Variants in CSMD2 observed in about 807,000 individuals in gnomAD.
The protein encoded by CSMD2 is CUB and Sushi multiple domains 2.
A neutral mutation model predicts 398.5 loss-of-function variants in CSMD2; 130 were observed. The observed-to-expected ratio is 0.33, with a 90% CI of 0.28 to 0.38. The LOEUF (loss-of-function observed/expected upper bound fraction) is 0.38, where lower values mean the gene tolerates loss of function less well. Among genes scored for constraint, CSMD2 ranks in the 10% least tolerant of loss-of-function variants. The pLI is 1.00. For synonymous variants in CSMD2, 1,828 were observed against 1,908.5 expected (o/e 0.96, Z 1.10); for missense variants, 3,829 against 4,764.9 (o/e 0.80, Z 5.78).
chr1:33,521,322 G>C, intron 68 of CSMD2, 141 bp downstream of exon 68: 1 of 659,144 alleles, frequency 1.5e-6, no homozygotes, highest in Non-Finnish European at 2.8e-6. Context: ...AGAATCTCAA[G>C]AGGCATCCCT....
intron 3 of CSMD2, among the ~76,000 whole-genome samples, chr1:33,944,089 C>T (rs1644764570): frequency 1.3e-5 from 2 of 152,076 alleles, no homozygotes; most frequent in Admixed American, 6.6e-5. Flanking sequence ...AGTGTGAAAG[C>T]AGCCACAGGC....
chr1:33,712,045 A>G (rs970663482), intron 21 of CSMD2, among the ~76,000 whole-genome samples: 3 of 152,246 alleles, frequency 2.0e-5, no homozygotes, highest in Non-Finnish European at 4.4e-5. Flanking sequence ...AATGTTCCAG[A>G]GAAACAAACA....
chr1:33,662,101 A>G (rs1644156228), intron 26 of CSMD2, among the ~76,000 whole-genome samples: 1 of 152,220 alleles, frequency 6.6e-6, no homozygotes, highest in African/African-American at 2.4e-5. Flanking sequence ...GGCAGGACCA[A>G]TCATATAAAT....
intron 1 of CSMD2, among the ~76,000 whole-genome samples, chr1:34,140,414 T>A (rs1286052856): frequency 6.6e-6 from 1 of 151,916 alleles, no homozygotes; most frequent in African/African-American, 2.4e-5. Flanking sequence ...CACCGCCACT[T>A]GCAAGCAAGG....
intron 10 of CSMD2, among the ~76,000 whole-genome samples, chr1:33,794,578 A>G (rs1654716720): frequency 6.6e-6 from 1 of 152,178 alleles, no homozygotes; most frequent in Non-Finnish European, 1.5e-5. Flanking sequence ...GAGAAATAGG[A>G]GCAGTCAGAT....
intron 1 of CSMD2, among the ~76,000 whole-genome samples, chr1:34,147,342 A>G (rs1639870693): frequency 6.6e-6 from 1 of 152,186 alleles, no homozygotes; most frequent in African/African-American, 2.4e-5. Context: ...ATATTAAAGC[A>G]AATGTTAAGT....
At chr1:33,950,230 C>G (rs1644960560) in intron 3 of CSMD2, among the ~76,000 whole-genome samples, 1 of 152,152 alleles carries the variant, frequency 6.6e-6, no homozygotes, top group African/African-American at 2.4e-5. Flanking sequence ...CATGGCTCTT[C>G]CCTCCTAAAA....
At chr1:33,936,047 C>T (rs888316658) in intron 3 of CSMD2, 93 bp from the exon 4 acceptor site, 18 of 1,057,954 alleles carry the variant, frequency 1.7e-5, no homozygotes, top group South Asian at 3.2e-5. Flanking sequence ...CTAGGCCACT[C>T]GGGCTTCCTG....
intron 25 of CSMD2, among the ~76,000 whole-genome samples, chr1:33,683,173 G>A (rs886648401): frequency 3.3e-5 from 5 of 151,980 alleles, no homozygotes; most frequent in Non-Finnish European, 4.4e-5. Context: ...TAATTTCTTC[G>A]CATTCCTTTC....
chr1:34,116,322 A>G (rs1246273551), intron 1 of CSMD2, among the ~76,000 whole-genome samples: 1 of 152,082 alleles, frequency 6.6e-6, no homozygotes, highest in African/African-American at 2.4e-5. Context: ...GCAAATGGTA[A>G]CCAAAGACAG....
chr1:33,886,501 G>C (rs1641603798), intron 5 of CSMD2, among the ~76,000 whole-genome samples: 1 of 152,206 alleles, frequency 6.6e-6, no homozygotes, highest in Non-Finnish European at 1.5e-5. Context: ...AATCCAGTTA[G>C]GGAATCAGGG....
intron 21 of CSMD2, among the ~76,000 whole-genome samples, chr1:33,713,404 T>G (rs2149165794): frequency 6.6e-6 from 1 of 152,346 alleles, no homozygotes; most frequent in Middle Eastern, 3.4e-3. Flanking sequence ...TTTTATATAC[T>G]ATTTCACTTT....
At position 33,893,286 on chromosome 1, in the gene CSMD2, A is replaced by G. The variant is rs149218745; in HGVS notation, c.920+24808T>C. On this transcript the variant is annotated intron_variant, in intron 5 of 70. Transcript: ENST00000373381. ...CCTCGTAAGCACAATTTTTGGCACTATTCTATCTATTTTGCAGCTAGGAGC... is the reference window on the plus strand; with the variant it reads ...CCTCGTAAGCACAATTTTTGGCACTGTTCTATCTATTTTGCAGCTAGGAGC... Among the ~76,000 whole-genome samples the G allele has an allele frequency of 5.8e-3, 881 of 152,344 alleles. 2 individuals carry two copies. Among genetic ancestry groups the G allele is most frequent in the Non-Finnish European group, 1.0e-2 (680 of 68,032 alleles).
intron 44 of CSMD2, among the ~76,000 whole-genome samples, chr1:33,598,127 G>C (rs990011463): frequency 2.6e-5 from 4 of 152,298 alleles, no homozygotes; most frequent in Admixed American, 2.6e-4. Flanking sequence ...GGGTAGGGTA[G>C]GGGAATGTGC....
chr1:33,893,674 G>C (rs1251268764), intron 5 of CSMD2, among the ~76,000 whole-genome samples: 1 of 152,194 alleles, frequency 6.6e-6, no homozygotes, highest in Non-Finnish European at 1.5e-5. Context: ...TTCACTCAGA[G>C]CACAGCCAGA....
intron 3 of CSMD2, among the ~76,000 whole-genome samples, chr1:34,008,815 A>G (rs986846030): frequency 1.3e-5 from 2 of 152,190 alleles, no homozygotes; most frequent in Admixed American, 6.5e-5. Context: ...GTTCATGACT[A>G]TATTCCCAGT....
At chr1:33,746,206 C>A (rs1408107701) in intron 13 of CSMD2, among the ~76,000 whole-genome samples, 1 of 152,154 alleles carries the variant, frequency 6.6e-6, no homozygotes, top group East Asian at 1.9e-4. Flanking sequence ...GACATGGATG[C>A]CCCCACACAG....
At chr1:33,658,505 A>G (rs1280558524) in intron 26 of CSMD2, among the ~76,000 whole-genome samples, 1 of 152,252 alleles carries the variant, frequency 6.6e-6, no homozygotes, top group Non-Finnish European at 1.5e-5. Context: ...TAAACAAAGC[A>G]TTGCAATTTT....
At chr1:33,899,344 T>C (rs1466378163) in intron 5 of CSMD2, among the ~76,000 whole-genome samples, 1 of 152,130 alleles carries the variant, frequency 6.6e-6, no homozygotes, top group African/African-American at 2.4e-5. Flanking sequence ...GGGCCATCTC[T>C]CCAGGATACC....
Sources: gnomAD v4.1 joint callset for allele counts (sites outside exome capture counted in the v4.1 genomes callset) on GRCh38, gnomAD v4.1.1 for gene constraint, MANE v1.5 for transcripts, NCBI Gene and HGNC (gene_info 2026-07-23, HGNC 2026-07-21) for gene names.